Variants in SEC16A observed in about 807,000 individuals in gnomAD.
SEC16A encodes the protein SEC16 homolog A, endoplasmic reticulum export factor.
In SEC16A, 110 loss-of-function variants were observed where a neutral mutation model predicts 221.9. That is an observed-to-expected ratio of 0.50 (90% CI 0.42 to 0.58). The LOEUF is 0.58. SEC16A is among the 20% of genes least tolerant of loss of function. The probability of loss-of-function intolerance (pLI) is 0.00; values close to 1 mark genes in which losing one functional copy is unlikely to be tolerated. For missense variants in SEC16A, 3,165 were observed against 3,097.8 expected, an observed-to-expected ratio of 1.02 and a Z score of -0.52; for synonymous variants, 1,393 against 1,257.7, an observed-to-expected ratio of 1.11 and a Z score of -2.28.
Position 136,474,908 on chromosome 9 carries a change from G to A in SEC16A, c.2708C>T (p.Ala903Val). ...AGAACCTTGTGGAAAATTACTTTGG[G>A]CAACACTGCTAGGCAGAGACAAGCT... is the stretch of plus-strand genomic sequence containing the variant. ...VLSLSLPSSV[A>V]QSNFPQGSGA... is the part of the protein sequence containing the mutation. The change falls in exon 3 of 32, where the codon GCC becomes GTC. Residue 903 changes from alanine (A) to valine (V), a missense_variant. By Grantham distance (64) the Ala-to-Val change is moderately conservative. Coordinates refer to ENST00000684901, the MANE Select transcript of SEC16A (RefSeq NM_014866.2). 1.2e-6 allele frequency: 2 copies of A among 1,613,764 alleles called. No homozygotes were observed. The highest frequency in any genetic ancestry group is 1.1e-5 in the South Asian group (1 of 91,064).
At position 136,454,171 on chromosome 9, in the gene SEC16A, G is replaced by T. The variant is rs1465036518; in HGVS notation, c.6014C>A (p.Pro2005His). The part of the protein sequence containing the change: ...FLEPSGPGLP[P>H]GVPPLQERRH... ...CCTTTCCTGCAGAGGTGGCACACCA[G>T]GTGGGAGGCCAGGCCCGGAGGGCTC... Residue 2005 changes from proline (P) to histidine (H), a missense_variant, in exon 21 of 32, where the codon CCT becomes CAT. By Grantham distance (77) the Pro-to-His change is moderately conservative (BLOSUM62 -2). Around this residue, in one of 3 missense-constraint regions of SEC16A, gnomAD observed 1,088 missense variants for 1,089.6 expected, o/e 1.00. Coordinates refer to ENST00000684901, the MANE Select transcript of SEC16A (RefSeq NM_014866.2). 11 of 1,558,130 alleles carry T rather than the reference G, an allele frequency of 7.1e-6. No homozygotes were observed. The highest frequency in any genetic ancestry group is 1.4e-5 in the African/African-American group (1 of 73,534).
chr9:136,447,741 A>T lies in SEC16A; in HGVS notation c.6448-61T>A. ...GTGCACAGAAACCCACTGGGATGGC[A>T]CAGTCAGGAGGCTCCAAAAGGGGCA... On this transcript the variant is annotated intron_variant, in intron 25 of 31. Coordinates refer to ENST00000684901, the MANE Select transcript of SEC16A (RefSeq NM_014866.2). This position sits in a 1 kb window ranked among gnomAD's most constrained non-coding sequence, Gnocchi z 5.5. 6.4e-7 allele frequency: 1 copy of T among 1,554,084 alleles called. No individual in the cohort carries two copies. The highest frequency in any genetic ancestry group is 2.2e-5 in the East Asian group (1 of 44,458).
chr9:136,453,989 G>T, intron 21 of SEC16A, 120 bp downstream of exon 21: 1 of 968,508 alleles, frequency 1.0e-6, no homozygotes, highest in Non-Finnish European at 1.6e-6. Context: ...TCTGGTCTAC[G>T]TTAAGACAAG....
intron 30 of SEC16A, among the ~76,000 whole-genome samples, chr9:136,444,466 C>T (rs893424089): frequency 6.6e-5 from 10 of 152,132 alleles, no homozygotes; most frequent in South Asian, 2.1e-4. Flanking sequence ...ACTCACTCGG[C>T]GAGGCCACGA....
chr9:136,447,469 GGGAAGCCACCTCC>G lies in SEC16A; in HGVS notation c.6559+87_6559+99del. 1.9e-6 allele frequency: 3 copies of G among 1,553,024 alleles called. No individual in the cohort carries two copies. Among genetic ancestry groups the G allele is most frequent in the Non-Finnish European group, 2.6e-6 (3 of 1,138,556 alleles). The stretch of plus-strand genomic sequence containing the variant: ...AGAGGAAAAGCACGCAGGGACGTGC[GGGAAGCCACCTCC>G]TCCCCACGCACAACAGCTACACATT... On this transcript the variant is annotated intron_variant, in intron 26 of 31. Transcript: ENST00000684901. This position sits in a 1 kb window ranked among gnomAD's most constrained non-coding sequence, Gnocchi z 5.5.
intron 9 of SEC16A, 43 bp downstream of exon 9, chr9:136,464,377 G>A: frequency 6.4e-7 from 1 of 1,558,058 alleles, no homozygotes. Flanking sequence ...GAGTTCCCCA[G>A]GGCAGCAGAG....
In SEC16A at chr9:136,466,485, G is replaced by T; in HGVS notation, c.3930-23C>A. The T allele has an allele frequency of 6.3e-7, 1 of 1,578,598 alleles. No individual in the cohort carries two copies. Among genetic ancestry groups the T allele is most frequent in the Non-Finnish European group, 8.6e-7 (1 of 1,160,270 alleles). ...GGCCTAGAGGAAGCCGGGGGACAGA[G>T]GCAGAGGAATGGGAGTGCCGGAGGC... On this transcript the variant is annotated intron_variant, in intron 6 of 31. Coordinates refer to ENST00000684901, the MANE Select transcript of SEC16A (RefSeq NM_014866.2). The surrounding 1 kb of genome is among the most constrained non-coding windows in gnomAD (Gnocchi z 5.5).
At chr9:136,469,793 C>A (rs551957131) in intron 4 of SEC16A, among the ~76,000 whole-genome samples, 1 of 152,368 alleles carries the variant, frequency 6.6e-6, no homozygotes, top group African/African-American at 2.4e-5. Flanking sequence ...GTTGGCTGCT[C>A]GGTTGGCGCA....
chr9:136,468,562 G>T, intron 4 of SEC16A, 50 bp from the exon 5 acceptor site: 1 of 1,194,218 alleles, frequency 8.4e-7, no homozygotes, highest in East Asian at 2.3e-5. Flanking sequence ...ATTTCTTAAA[G>T]TGTGACATCA....
Position 136,460,142 on chromosome 9 carries a change from A to G in SEC16A, c.4992-19T>C, listed in dbSNP as rs759541586. On this transcript the variant is annotated intron_variant, in intron 13 of 31. Coordinates refer to ENST00000684901, the MANE Select transcript of SEC16A (RefSeq NM_014866.2). ...AGCAAACCTAGGCAGACATAAACAC[A>G]GAAAGACCCCATGCTGGCTCAGCTA... 1.9e-6 allele frequency: 3 copies of G among 1,582,346 alleles called. No homozygotes were observed. Among genetic ancestry groups the G allele is most frequent in the Non-Finnish European group, 2.6e-6 (3 of 1,161,474 alleles).
intron 24 of SEC16A, 54 bp downstream of exon 24, chr9:136,448,030 C>T: frequency 6.4e-7 from 1 of 1,563,918 alleles, no homozygotes; most frequent in Non-Finnish European, 8.7e-7. Context: ...CTGAAAGTGA[C>T]AGAAAAATCA....
chr9:136,467,163 A>C, intron 5 of SEC16A, 80 bp from the exon 6 acceptor site: 1 of 1,531,358 alleles, frequency 6.5e-7, no homozygotes. Flanking sequence ...AAGCGACACC[A>C]CCCCAGGACT....
chr9:136,465,917 C>T (rs996760296), intron 8 of SEC16A, 45 bp downstream of exon 8: 9 of 1,573,790 alleles, frequency 5.7e-6, no homozygotes, highest in South Asian at 2.3e-5. Context: ...GGGTGGCCGC[C>T]CCAGTGGGGT....
At chr9:136,469,758 C>T (rs970478749) in intron 4 of SEC16A, among the ~76,000 whole-genome samples, 3 of 152,216 alleles carry the variant, frequency 2.0e-5, no homozygotes, top group African/African-American at 2.4e-5. Context: ...GGAGACATCA[C>T]GGGAGCTGCA....
chr9:136,453,470 G>A lies in SEC16A; in HGVS notation c.6117C>T (p.Ser2039=), dbSNP rs144334278. ...PQEAPVGNSL[S]ELSEENFDGK... Reference sequence around the variant, plus strand: ...CATCAAAATTTTCTTCGCTTAGCTCGGAAAGTGAGTTTCCAACAGGCGCCT... The same window carrying A: ...CATCAAAATTTTCTTCGCTTAGCTCAGAAAGTGAGTTTCCAACAGGCGCCT... The change falls in exon 22 of 32, where the codon TCC becomes TCT. Residue 2039 remains serine (S), a synonymous_variant. Transcript: ENST00000684901. 189 of 1,613,306 alleles carry A rather than the reference G, an allele frequency of 1.2e-4. No homozygotes were observed. The East Asian group carries it at 3.9e-3, about 34-fold the overall frequency.
intron 4 of SEC16A, among the ~76,000 whole-genome samples, chr9:136,471,604 G>A (rs748748845): frequency 6.6e-5 from 10 of 152,218 alleles, no homozygotes; most frequent in Non-Finnish European, 1.3e-4. Context: ...AAAAGCTGCC[G>A]TGTCTCTGGG....
At position 136,475,281 on chromosome 9, in the gene SEC16A, C is replaced by A. The variant is rs747567683; in HGVS notation, c.2335G>T (p.Val779Leu). 4.3e-6 allele frequency: 7 copies of A among 1,613,352 alleles called. No homozygotes were observed. The East Asian group carries it at 1.6e-4, about 36-fold the overall frequency. Residue 779 changes from valine to leucine, a missense_variant, in exon 3 of 32, where the codon GTG becomes TTG. Coordinates refer to ENST00000684901, the MANE Select transcript of SEC16A (RefSeq NM_014866.2). The surrounding 1 kb of genome is among the most constrained non-coding windows in gnomAD (Gnocchi z 5.0). Reference sequence around the variant, plus strand: ...GCACCAATGCCACCTCGGCTCTGCACCGGGGCCGCCGAGCTTGGGTTCCGT... The same window carrying A: ...GCACCAATGCCACCTCGGCTCTGCAACGGGGCCGCCGAGCTTGGGTTCCGT... Reference protein sequence around the residue: ...QSRNPSSAAPVQSRGGIGASE... With the variant: ...QSRNPSSAAPLQSRGGIGASE...
At chr9:136,455,519 A>G in intron 20 of SEC16A, 82 bp downstream of exon 20, 1 of 1,323,882 alleles carries the variant, frequency 7.6e-7, no homozygotes, top group South Asian at 1.5e-5. Context: ...GCAGTTCTCC[A>G]GGAGGCAAGG....
chr9:136,453,007 T>G (rs1420136610), intron 22 of SEC16A, among the ~76,000 whole-genome samples: 5 of 148,070 alleles, frequency 3.4e-5, no homozygotes, highest in African/African-American at 7.5e-5. Flanking sequence ...GAGGTGGAGG[T>G]TGCAGTGAGC....
Sources: allele counts gnomAD v4.1 joint callset (sites outside exome capture counted in the v4.1 genomes callset), GRCh38; gene constraint gnomAD v4.1.1; regional missense constraint gnomAD v4.1.1; non-coding constraint Gnocchi (gnomAD v3.1); transcripts MANE v1.5; gene names NCBI Gene and HGNC (gene_info 2026-07-23, HGNC 2026-07-21).